Variants in AGBL4 observed in about 807,000 individuals in gnomAD.
AGBL4 encodes the protein AGBL carboxypeptidase 4.
Under a neutral mutation model 66.4 loss-of-function variants are expected in AGBL4, and 58 were observed. That is an observed-to-expected ratio of 0.87 (90% confidence interval 0.71 to 1.09). AGBL4 has a LOEUF of 1.09. AGBL4 is among the 50% of genes least tolerant of loss of function. The pLI, the probability that AGBL4 is intolerant of heterozygous loss-of-function variation, is 0.00. For synonymous variants in AGBL4, 234 were observed against 222.9 expected, an observed-to-expected ratio of 1.05 and a Z score of -0.44; for missense variants, 579 against 631.0, an observed-to-expected ratio of 0.92 and a Z score of 0.88.
At chr1:49,355,806 A>C (rs1448429200) in intron 3 of AGBL4, among the ~76,000 whole-genome samples, 2 of 152,126 alleles carry the variant, frequency 1.3e-5, no homozygotes, top group African/African-American at 4.8e-5. Flanking sequence ...TTTGCATGCT[A>C]TTCTAATTTT....
At chr1:48,942,700 GGTAGGAGA>G (rs1427576651) in intron 5 of AGBL4, among the ~76,000 whole-genome samples, 2 of 152,064 alleles carry the variant, frequency 1.3e-5, no homozygotes, top group Non-Finnish European at 2.9e-5. Context: ...GTAGATAAAG[GGTAGGAGA>G]GTAGTGAGAA....
chr1:49,718,733 T>C (rs1357752745), intron 2 of AGBL4, among the ~76,000 whole-genome samples: 1 of 152,138 alleles, frequency 6.6e-6, no homozygotes, highest in Non-Finnish European at 1.5e-5. Context: ...AATGAGGGTA[T>C]CTGCTTTTCT....
chr1:48,897,834 G>A (rs1208530240), intron 5 of AGBL4, among the ~76,000 whole-genome samples: 1 of 131,838 alleles, frequency 7.6e-6, no homozygotes, highest in Non-Finnish European at 1.6e-5. Flanking sequence ...TTTTTAAGAC[G>A]GAGTCTCGCT....
intron 3 of AGBL4, among the ~76,000 whole-genome samples, chr1:49,588,586 T>C (rs924661585): frequency 6.6e-6 from 1 of 152,098 alleles, no homozygotes; most frequent in Non-Finnish European, 1.5e-5. Context: ...AATGTAAAAC[T>C]CCCCAGCCTT....
chr1:48,676,032 G>A (rs189832096), intron 6 of AGBL4, among the ~76,000 whole-genome samples: 3 of 152,274 alleles, frequency 2.0e-5, no homozygotes, highest in Admixed American at 1.3e-4. Flanking sequence ...GGATAAACCT[G>A]GATTCTTTCT....
intron 5 of AGBL4, among the ~76,000 whole-genome samples, chr1:49,044,529 C>T (rs1366309058): frequency 6.6e-6 from 1 of 151,748 alleles, no homozygotes; most frequent in Non-Finnish European, 1.5e-5. Context: ...ATGTGGTAGG[C>T]AAAATGATGC....
intron 3 of AGBL4, among the ~76,000 whole-genome samples, chr1:49,288,243 T>C (rs1002311105): frequency 4.2e-5 from 6 of 142,384 alleles, no homozygotes; most frequent in Admixed American, 2.1e-4. Flanking sequence ...AGGGATAGCA[T>C]TGGGAGATAT....
chr1:48,918,613 T>C (rs1653818580), intron 5 of AGBL4, among the ~76,000 whole-genome samples: 1 of 152,084 alleles, frequency 6.6e-6, no homozygotes, highest in African/African-American at 2.4e-5. Context: ...GCTAGCCATG[T>C]TGGGATACAA....
chr1:48,883,323 G>T (rs997844761), intron 5 of AGBL4, among the ~76,000 whole-genome samples: 29 of 152,060 alleles, frequency 1.9e-4, no homozygotes, highest in South Asian at 8.3e-4. Flanking sequence ...CAGGTGTCAG[G>T]TGATGTCTCA....
chr1:49,278,336 TA>T (rs1423791401), intron 3 of AGBL4, among the ~76,000 whole-genome samples: 9 of 152,198 alleles, frequency 5.9e-5, no homozygotes, highest in African/African-American at 1.4e-4. Flanking sequence ...GACAGACGAA[TA>T]TTTTTTTATT....
intron 9 of AGBL4, 59 bp downstream of exon 9, chr1:48,634,434 C>T (rs1193949471): frequency 4.3e-6 from 6 of 1,394,132 alleles, no homozygotes; most frequent in South Asian, 2.6e-5. Flanking sequence ...CAATACAATG[C>T]TGCCCTTTCC....
chr1:49,166,199 C>T (rs892609596), intron 4 of AGBL4, among the ~76,000 whole-genome samples: 7 of 152,076 alleles, frequency 4.6e-5, no homozygotes, highest in Admixed American at 3.9e-4. Context: ...CTTGGAGCAT[C>T]GGGGTCTTTA....
intron 2 of AGBL4, among the ~76,000 whole-genome samples, chr1:49,819,448 G>A (rs988949215): frequency 6.6e-6 from 1 of 152,060 alleles, no homozygotes; most frequent in African/African-American, 2.4e-5. Context: ...AGCAGGACAA[G>A]GTTCATTATT....
chr1:49,981,495 T>C (rs77413772), intron 1 of AGBL4, among the ~76,000 whole-genome samples: 8,088 of 152,100 alleles, frequency 0.053, 240 homozygotes, highest in African/African-American at 0.071. Context: ...ATAAGAGGCA[T>C]TTTACTATTT....
chr1:49,187,679 A>T (rs1180284550), intron 4 of AGBL4: 1 of 152,184 alleles, frequency 6.6e-6, no homozygotes, highest in African/African-American at 2.4e-5. Flanking sequence ...AGTCAAAATC[A>T]TCAGGGAATT....
At chr1:48,922,870 A>C (rs564170295) in intron 5 of AGBL4, among the ~76,000 whole-genome samples, 3 of 151,870 alleles carry the variant, frequency 2.0e-5, no homozygotes, top group African/African-American at 7.2e-5. Context: ...AAATGCTCAC[A>C]GTATATTAAA....
intron 4 of AGBL4, among the ~76,000 whole-genome samples, chr1:49,139,331 C>T (rs1646072502): frequency 1.3e-5 from 2 of 152,112 alleles, no homozygotes; most frequent in South Asian, 2.1e-4. Context: ...TATAGGTGAG[C>T]AAACTGAGGC....
chr1:49,865,829 T>A, intron 1 of AGBL4: 1 of 247,982 alleles, frequency 4.0e-6, no homozygotes, highest in South Asian at 4.6e-5. Flanking sequence ...AGGAGCATGT[T>A]CTAACCCAAT....
chr1:49,498,663 G>A (rs1006012418), intron 3 of AGBL4, among the ~76,000 whole-genome samples: 3 of 151,624 alleles, frequency 2.0e-5, no homozygotes, highest in Non-Finnish European at 4.4e-5. Context: ...GAAAAAAAAA[G>A]CTTTCAATTA....
Sources: allele counts gnomAD v4.1 joint callset (sites outside exome capture counted in the v4.1 genomes callset), GRCh38; gene constraint gnomAD v4.1.1; transcripts MANE v1.5; gene names NCBI Gene and HGNC (gene_info 2026-07-23, HGNC 2026-07-21).